Variants in PALLD observed in about 807,000 individuals in gnomAD.
PALLD encodes the protein palladin.
A neutral mutation model predicts 123.5 loss-of-function variants in PALLD; 61 were observed. The ratio of observed to expected loss-of-function variants is 0.49; its 90% confidence interval spans 0.40 to 0.61. The LOEUF is 0.61. Ranked by LOEUF, PALLD falls within the 20% of genes least tolerant of loss-of-function variation. The pLI is 0.00. For synonymous variants in PALLD, 465 were observed against 496.4 expected, an observed-to-expected ratio of 0.94 and a Z score of 0.84; for missense variants, 1,273 against 1,377.0, an observed-to-expected ratio of 0.92 and a Z score of 1.20.
chr4:168,587,873 G>C (rs552575250), intron 2 of PALLD, among the ~76,000 whole-genome samples: 15 of 152,184 alleles, frequency 9.9e-5, no homozygotes, highest in East Asian at 3.9e-4. Flanking sequence ...CGCTCTTCAG[G>C]GGGGTGCAGG....
chr4:168,816,395 A>G (rs1041012924), intron 10 of PALLD, among the ~76,000 whole-genome samples: 36 of 140,000 alleles, frequency 2.6e-4, no homozygotes, highest in African/African-American at 8.1e-4. Context: ...GTGTGTATAT[A>G]TATATATATA....
intron 2 of PALLD, among the ~76,000 whole-genome samples, chr4:168,567,566 T>TGTGTGC (rs1768529079): frequency 6.7e-6 from 1 of 150,082 alleles, no homozygotes; most frequent in Non-Finnish European, 1.5e-5. Flanking sequence ...TGTGTGTGTG[T>TGTGTGC]GTATGTAGAT....
intron 10 of PALLD, among the ~76,000 whole-genome samples, chr4:168,889,367 T>A (rs1428632326): frequency 6.6e-6 from 1 of 151,946 alleles, no homozygotes; most frequent in African/African-American, 2.4e-5. Flanking sequence ...TTTTACCATG[T>A]TGGCCAAGCT....
intron 10 of PALLD, among the ~76,000 whole-genome samples, chr4:168,813,644 AGTTGGGGGT>A (rs1234477058): frequency 6.6e-6 from 1 of 152,080 alleles, no homozygotes; most frequent in Non-Finnish European, 1.5e-5. Flanking sequence ...AATGTTTTAG[AGTTGGGGGT>A]CTCACTGTGT....
intron 10 of PALLD, among the ~76,000 whole-genome samples, chr4:168,792,488 A>G (rs1339151325): frequency 1.3e-5 from 2 of 151,932 alleles, no homozygotes; most frequent in African/African-American, 4.8e-5. Context: ...CCTCTCGCCT[A>G]CCCAAAATCT....
chr4:168,626,011 C>A (rs1042361592), intron 2 of PALLD, among the ~76,000 whole-genome samples: 1 of 152,176 alleles, frequency 6.6e-6, no homozygotes, highest in Non-Finnish European at 1.5e-5. Flanking sequence ...GGCCTGTAAT[C>A]CCAGCACTTT....
intron 6 of PALLD, 108 bp downstream of exon 6, chr4:168,685,667 G>T: frequency 1.3e-6 from 1 of 797,756 alleles, no homozygotes. Context: ...CAGATTAGTA[G>T]GCTGATTACC....
intron 2 of PALLD, among the ~76,000 whole-genome samples, chr4:168,658,566 C>T (rs1022970158): frequency 1.7e-4 from 26 of 151,768 alleles, no homozygotes; most frequent in African/African-American, 6.0e-4. Flanking sequence ...GGATTATAGG[C>T]GTGAGCCACC....
At chr4:168,561,772 T>G (rs760914907) in intron 2 of PALLD, among the ~76,000 whole-genome samples, 10 of 152,196 alleles carry the variant, frequency 6.6e-5, no homozygotes, top group Non-Finnish European at 1.3e-4. Context: ...AGTAGAGTGG[T>G]TCCCATCCAT....
At chr4:168,673,888 CTG>C (rs34043206) in intron 3 of PALLD, among the ~76,000 whole-genome samples, 33,077 of 146,230 alleles carry the variant, frequency 0.23, 4,127 homozygotes, top group African/African-American at 0.34. Context: ...TTTGAACGTG[CTG>C]TGTGTGTGTG....
Position 168,810,136 on chromosome 4 carries a change from G to A in PALLD, c.1965-80786G>A, listed in dbSNP as rs888052829. 5.9e-5 allele frequency among the ~76,000 whole-genome samples: 9 copies of A among 152,074 alleles called. No homozygotes were observed. The East Asian group carries it at 1.7e-3, about 30-fold the overall frequency. ...GCATTTTGGTATAATTTGAGAGGAA[G>A]AAGCAAGATCGTAAGAGGTTGAGAG... On this transcript the variant is annotated intron_variant, in intron 10 of 21. Coordinates refer to ENST00000505667, the MANE Select transcript of PALLD (RefSeq NM_001166108.2).
Position 168,928,394 on chromosome 4 carries a change from C to T in PALLD, c.*2214C>T, listed in dbSNP as rs145960760. 2 of 181,282 alleles carry T rather than the reference C, an allele frequency of 1.1e-5. No individual in the cohort carries two copies. Among genetic ancestry groups the T allele is most frequent in the African/African-American group, 4.7e-5 (2 of 42,438 alleles). The allele number at this position is 181,282 out of a possible 1,614,324, so 11.2% of individuals were successfully genotyped here. On this transcript the variant is annotated 3_prime_UTR_variant, in exon 22 of 22. Transcript: ENST00000505667. The stretch of plus-strand genomic sequence containing the variant: ...TTGTGCTGGTGTAATGTGGATTTAA[C>T]ATCAATAAATATTTGACAAATAATA...
At chr4:168,700,513 G>T (rs1459402825) in intron 8 of PALLD, 1 of 152,144 alleles carries the variant, frequency 6.6e-6, no homozygotes, top group Non-Finnish European at 1.5e-5. Flanking sequence ...GTCTTACTGA[G>T]AATTCCTTTA....
At chr4:168,906,993 G>T (rs915354702) in intron 15 of PALLD, among the ~76,000 whole-genome samples, 1 of 152,188 alleles carries the variant, frequency 6.6e-6, no homozygotes, top group Non-Finnish European at 1.5e-5. Context: ...CAGTACAGGG[G>T]TTATGAGCAT....
chr4:168,779,557 C>T (rs1735615851), intron 10 of PALLD, among the ~76,000 whole-genome samples: 1 of 151,566 alleles, frequency 6.6e-6, no homozygotes, highest in Non-Finnish European at 1.5e-5. Flanking sequence ...ACCCTTGCAT[C>T]TAATTTATAA....
chr4:168,671,135 A>G (rs1378843178), intron 3 of PALLD, among the ~76,000 whole-genome samples: 1 of 152,092 alleles, frequency 6.6e-6, no homozygotes, highest in African/African-American at 2.4e-5. Flanking sequence ...TAAGATATAT[A>G]TAAAATCATA....
intron 3 of PALLD, among the ~76,000 whole-genome samples, chr4:168,676,712 A>G (rs1018763218): frequency 6.6e-6 from 1 of 151,060 alleles, no homozygotes; most frequent in African/African-American, 2.4e-5. Context: ...CAGCCTCCCA[A>G]GTAGCTGGGA....
chr4:168,682,941 A>AC (rs957388217), intron 4 of PALLD, 57 bp from the exon 5 acceptor site: 4 of 1,049,208 alleles, frequency 3.8e-6, no homozygotes, highest in Non-Finnish European at 5.8e-6. Flanking sequence ...AAAAAAAAAA[A>AC]CAAAAAAACG....
chr4:168,663,757 C>G (rs1779352435), intron 2 of PALLD, among the ~76,000 whole-genome samples: 1 of 152,168 alleles, frequency 6.6e-6, no homozygotes, highest in Non-Finnish European at 1.5e-5. Context: ...TTGTCCCTTT[C>G]TGATATCGTC....
Sources: allele counts gnomAD v4.1 joint callset (sites outside exome capture counted in the v4.1 genomes callset), GRCh38; gene constraint gnomAD v4.1.1; transcripts MANE v1.5; gene names NCBI Gene and HGNC (gene_info 2026-07-23, HGNC 2026-07-21).